Variants in RNF216 observed in about 807,000 individuals in gnomAD.
RNF216 encodes the protein E3 ubiquitin-protein ligase RNF216.
A neutral mutation model predicts 110.8 loss-of-function variants in RNF216; 72 were observed. The observed-to-expected ratio is 0.65, with a 90% CI of 0.54 to 0.79. RNF216 has a LOEUF of 0.79. RNF216 is among the 30% of genes least tolerant of loss of function. The pLI is 0.00. For synonymous variants in RNF216, 495 were observed against 407.5 expected (o/e 1.21, Z -2.59); for missense variants, 1,342 against 1,141.2 (o/e 1.18, Z -2.54).
chr7:5,621,569 T>C lies in RNF216; in HGVS notation c.*1291A>G, dbSNP rs1584320281. On this transcript the variant is annotated 3_prime_UTR_variant, in exon 17 of 17. Transcript: ENST00000389902. ...GTGGGCCAGGCCCTGCTTCAGGAGG[T>C]GGCGGGCCACTCCGGAGACTGATGC... 2 of 152,168 alleles carry C rather than the reference T, an allele frequency of 1.3e-5. No homozygotes were observed. Among genetic ancestry groups the C allele is most frequent in the Non-Finnish European group, 2.9e-5 (2 of 68,062 alleles). 9.4% of individuals were successfully genotyped at this position (152,168 alleles called of 1,614,324 possible).
At chr7:5,720,004 A>G (rs1793315845) in intron 9 of RNF216, among the ~76,000 whole-genome samples, 1 of 152,250 alleles carries the variant, frequency 6.6e-6, no homozygotes, top group South Asian at 2.1e-4. Context: ...CTGCTTTATC[A>G]AAGACATTTT....
intron 1 of RNF216, among the ~76,000 whole-genome samples, chr7:5,768,503 C>G (rs1796326031): frequency 6.6e-6 from 1 of 151,956 alleles, no homozygotes; most frequent in Non-Finnish European, 1.5e-5. Flanking sequence ...CCAGTAACTG[C>G]AGAATACACA....
chr7:5,737,915 C>G (rs534121652), intron 5 of RNF216, among the ~76,000 whole-genome samples: 85 of 152,090 alleles, frequency 5.6e-4, no homozygotes, highest in African/African-American at 1.8e-3. Context: ...TGATGAAACC[C>G]TGTCTCTACT....
At chr7:5,769,754 C>T (rs1329055187) in intron 1 of RNF216, among the ~76,000 whole-genome samples, 1 of 146,162 alleles carries the variant, frequency 6.8e-6, no homozygotes, top group African/African-American at 2.5e-5. Flanking sequence ...GACTGAAAAT[C>T]GGCCAGGCGT....
At chr7:5,689,640 T>C (rs556589351) in intron 13 of RNF216, among the ~76,000 whole-genome samples, 4 of 152,262 alleles carry the variant, frequency 2.6e-5, no homozygotes, top group South Asian at 4.1e-4. Context: ...TAAAATCATT[T>C]AGATATGCAG....
chr7:5,756,105 C>G (rs1445997431), intron 2 of RNF216, among the ~76,000 whole-genome samples: 3 of 135,176 alleles, frequency 2.2e-5, no homozygotes, highest in African/African-American at 7.5e-5. Flanking sequence ...CCATTCTGCT[C>G]TCGTGATAGT....
chr7:5,727,495 G>C (rs1234042710), intron 7 of RNF216, among the ~76,000 whole-genome samples: 2 of 152,150 alleles, frequency 1.3e-5, no homozygotes, highest in African/African-American at 4.8e-5. Flanking sequence ...AGGAGGTGGA[G>C]GTGGGAGGAT....
At chr7:5,642,147 G>A (rs958279009) in intron 14 of RNF216, among the ~76,000 whole-genome samples, 2 of 150,844 alleles carry the variant, frequency 1.3e-5, no homozygotes, top group East Asian at 3.9e-4. Flanking sequence ...TAGTACATCC[G>A]TTTATGATTT....
rs573785575 is a variant in RNF216, at chr7:5,632,790, C to T, written c.2382+8364G>A. Among the ~76,000 whole-genome samples the T allele has an allele frequency of 1.1e-4, 16 of 152,096 alleles. No individual in the cohort carries two copies. The South Asian group carries it at 3.1e-3, about 30-fold the overall frequency. ...AAAACTCCATCTCCAAAAAACAAAA[C>T]GAAGCCCTCCAGTGCCCCATCGCTA... On this transcript the variant is annotated intron_variant, in intron 15 of 16. Coordinates refer to ENST00000389902, the MANE Select transcript of RNF216 (RefSeq NM_207111.4).
chr7:5,660,536 C>G lies in RNF216; in HGVS notation c.2062-8026G>C, dbSNP rs1282066765. On this transcript the variant is annotated intron_variant, in intron 13 of 16. Transcript: ENST00000389902. ...CCATCTCTTGACCTGGTGATCCACC[C>G]ATCTCGGCCTCCCAAAGTGGTGGGA... 3.3e-5 allele frequency among the ~76,000 whole-genome samples: 5 copies of G among 151,834 alleles called. No individual in the cohort carries two copies. The East Asian group carries it at 9.6e-4, about 29-fold the overall frequency.
chr7:5,669,149 C>T (rs1037954905), intron 13 of RNF216, among the ~76,000 whole-genome samples: 2 of 152,208 alleles, frequency 1.3e-5, no homozygotes, highest in Admixed American at 6.5e-5. Flanking sequence ...GGACTGTCTG[C>T]ACCTGCCAGC....
intron 15 of RNF216, among the ~76,000 whole-genome samples, chr7:5,640,101 T>C (rs1301513824): frequency 6.6e-6 from 1 of 151,502 alleles, no homozygotes; most frequent in South Asian, 2.1e-4. Flanking sequence ...TCTCACTATG[T>C]TAACCAGGCT....
chr7:5,750,707 C>G lies in RNF216; in HGVS notation c.201+2139G>C, dbSNP rs149439605. Among the ~76,000 whole-genome samples the G allele has an allele frequency of 3.9e-3, 596 of 152,304 alleles. 1 individual carries two copies. Among genetic ancestry groups the G allele is most frequent in the Middle Eastern group, 0.031 (9 of 294 alleles). ...ACCAGAGACATTCACAACAGCAAAC[C>G]ACATTGGAGCAAGACTCCCCCTCAT... is the stretch of plus-strand genomic sequence containing the variant. On this transcript the variant is annotated intron_variant, in intron 3 of 16. Coordinates refer to ENST00000389902, the MANE Select transcript of RNF216 (RefSeq NM_207111.4).
At chr7:5,737,769 A>C (rs1463668169) in intron 5 of RNF216, among the ~76,000 whole-genome samples, 1 of 152,080 alleles carries the variant, frequency 6.6e-6, no homozygotes, top group African/African-American at 2.4e-5. Context: ...ACTTTGGGGA[A>C]AGGTGTTTAG....
intron 13 of RNF216, among the ~76,000 whole-genome samples, chr7:5,702,832 A>G (rs1423617766): frequency 6.6e-6 from 1 of 152,250 alleles, no homozygotes; most frequent in African/African-American, 2.4e-5. Context: ...AGCCCTGCTC[A>G]GTACGTGACG....
Position 5,715,185 on chromosome 7 carries a change from G to C in RNF216, c.1701C>G (p.Gly567=). The change falls in exon 11 of 17, where the codon GGC becomes GGG. Residue 567 remains glycine, a synonymous_variant. Coordinates refer to ENST00000389902, the MANE Select transcript of RNF216 (RefSeq NM_207111.4). Reference sequence around the variant, plus strand: ...AGCAGCAGCGACACTCAATCAGCTGGCCATCCTGCAGGCAGTCAAGAAACA... The same window carrying C: ...AGCAGCAGCGACACTCAATCAGCTGCCCATCCTGCAGGCAGTCAAGAAACA... The part of the protein sequence containing the change: ...QMNEEQYQKD[G]QLIECRCCYG... 1 of 1,612,580 alleles carries C rather than the reference G, an allele frequency of 6.2e-7. No individual in the cohort carries two copies. Among genetic ancestry groups the C allele is most frequent in the Non-Finnish European group, 8.5e-7 (1 of 1,179,710 alleles).
rs968269380 is a variant in RNF216, at chr7:5,652,496, C to T, written c.2076G>A (p.Lys692=). 1 of 1,613,420 alleles carries T rather than the reference C, an allele frequency of 6.2e-7. No homozygotes were observed. Among genetic ancestry groups the T allele is most frequent in the Non-Finnish European group, 8.5e-7 (1 of 1,179,378 alleles). ...TATGTTCTTTCCAGAGTCCCTGACA[C>T]TTCCTACAGGTTTCCTGGGGATAAA... ...NPHCRKETCR[K]CQGLWKEHNG... The change falls in exon 14 of 17, where the codon AAG becomes AAA. Residue 692 remains lysine, a synonymous_variant. Transcript: ENST00000389902.
At chr7:5,706,207 G>C (rs1008677252) in intron 13 of RNF216, among the ~76,000 whole-genome samples, 6 of 130,354 alleles carry the variant, frequency 4.6e-5, no homozygotes, top group Admixed American at 3.4e-4. Flanking sequence ...GCAACACAGC[G>C]ACACTCCATC....
chr7:5,712,717 G>A lies in RNF216; in HGVS notation c.1980C>T (p.Val660=). The change falls in exon 12 of 17, where the codon GTC becomes GTT. Residue 660 remains valine (V), a splice_region_variant and synonymous_variant. Coordinates refer to ENST00000389902, the MANE Select transcript of RNF216 (RefSeq NM_207111.4). ...GCACGCTCTGCCTGAGAACGAACCT[G>A]ACAAGCTCGTCGGCGTAGGCTGCCG... ...EVAAAYADEL[V]RCPSCSFPAL... The A allele has an allele frequency of 6.2e-7, 1 of 1,613,996 alleles. No individual in the cohort carries two copies. Among genetic ancestry groups the A allele is most frequent in the Non-Finnish European group, 8.5e-7 (1 of 1,179,952 alleles).
Sources: gnomAD v4.1 joint callset for allele counts (sites outside exome capture counted in the v4.1 genomes callset) on GRCh38, gnomAD v4.1.1 for gene constraint, MANE v1.5 for transcripts, NCBI Gene and HGNC (gene_info 2026-07-23, HGNC 2026-07-21) for gene names.